LYPLAL1: variants seen among roughly 807,000 people sequenced by gnomAD.
The protein encoded by LYPLAL1 is lysophospholipase like 1, also known as lysophospholipase-like protein 1.
In LYPLAL1, 23 loss-of-function variants were observed where a neutral mutation model predicts 19.7. The observed-to-expected ratio is 1.17, with a 90% CI of 0.84 to 1.65. The LOEUF (loss-of-function observed/expected upper bound fraction) is 1.65, where lower values mean the gene tolerates loss of function less well. LYPLAL1 is among the 40% of genes most tolerant of loss of function. The probability of loss-of-function intolerance (pLI) is 0.00; values close to 1 mark genes in which losing one functional copy is unlikely to be tolerated. For synonymous variants in LYPLAL1, 119 were observed against 96.3 expected, an observed-to-expected ratio of 1.24 and a Z score of -1.38; for missense variants, 355 against 279.4, an observed-to-expected ratio of 1.27 and a Z score of -1.93.
the LYPLAL1 span, among the ~76,000 whole-genome samples, chr1:219,402,913 A>T: frequency 6.6e-6 from 1 of 152,188 alleles, no homozygotes; most frequent in Non-Finnish European, 1.5e-5. Context: ...ATTCCCAGGA[A>T]TCTATTTCTT....
chr1:219,394,601 G>C, the LYPLAL1 span, among the ~76,000 whole-genome samples: 1 of 152,006 alleles, frequency 6.6e-6, no homozygotes. Flanking sequence ...TTTTGTGACT[G>C]GTTTATTTCA....
At chr1:219,395,765 T>C in the LYPLAL1 span, among the ~76,000 whole-genome samples, 2 of 152,162 alleles carry the variant, frequency 1.3e-5, no homozygotes, top group Non-Finnish European at 2.9e-5. Flanking sequence ...TACATTTAAG[T>C]CCTTGATCCA....
At chr1:219,221,845 A>T in the LYPLAL1 span, among the ~76,000 whole-genome samples, 1 of 152,204 alleles carries the variant, frequency 6.6e-6, no homozygotes, top group Non-Finnish European at 1.5e-5. Context: ...ATAGGCATGT[A>T]AAACATCAAC....
At chr1:219,232,273 C>T in the LYPLAL1 span, among the ~76,000 whole-genome samples, 1 of 152,122 alleles carries the variant, frequency 6.6e-6, no homozygotes. Context: ...CTCAGATAGA[C>T]TCAGTGCAGT....
At chr1:219,194,158 C>T (rs1409155607) in intron 3 of LYPLAL1, among the ~76,000 whole-genome samples, 2 of 151,828 alleles carry the variant, frequency 1.3e-5, no homozygotes. Context: ...AGCAGCGTGG[C>T]CTCTAGCATA....
chr1:219,187,129 T>C (rs1050095730), intron 2 of LYPLAL1, among the ~76,000 whole-genome samples: 1 of 151,688 alleles, frequency 6.6e-6, no homozygotes, highest in Admixed American at 6.6e-5. Context: ...CATTGAAAAC[T>C]GTATCAAACA....
the LYPLAL1 span, among the ~76,000 whole-genome samples, chr1:219,219,957 T>G: frequency 6.6e-6 from 1 of 152,146 alleles, no homozygotes; most frequent in Non-Finnish European, 1.5e-5. Context: ...TGTTTTCCTT[T>G]GCAAGGAAAG....
chr1:219,362,493 C>T, the LYPLAL1 span, among the ~76,000 whole-genome samples: 1 of 152,098 alleles, frequency 6.6e-6, no homozygotes, highest in East Asian at 1.9e-4. Flanking sequence ...AAGGTGCAGA[C>T]AGTATTTCTT....
the LYPLAL1 span, among the ~76,000 whole-genome samples, chr1:219,338,605 A>G: frequency 6.6e-6 from 1 of 151,730 alleles, no homozygotes; most frequent in South Asian, 2.1e-4. Context: ...TACCTGGCAC[A>G]TGGTACAAAA....
the LYPLAL1 span, among the ~76,000 whole-genome samples, chr1:219,336,909 A>G: frequency 1.3e-5 from 2 of 151,996 alleles, no homozygotes; most frequent in South Asian, 4.1e-4. Context: ...CCATAAATTT[A>G]ATGACTTATG....
the LYPLAL1 span, among the ~76,000 whole-genome samples, chr1:219,411,529 G>A: frequency 3.3e-5 from 5 of 152,094 alleles, no homozygotes; most frequent in African/African-American, 7.2e-5. Flanking sequence ...CAGGCCACTC[G>A]GCTCTACCAA....
chr1:219,199,158 G>C (rs1002202036), intron 3 of LYPLAL1, among the ~76,000 whole-genome samples: 3 of 152,122 alleles, frequency 2.0e-5, no homozygotes, highest in Non-Finnish European at 4.4e-5. Flanking sequence ...ACTAATATAT[G>C]TATGTGAGTC....
chr1:219,256,478 C>G, the LYPLAL1 span, among the ~76,000 whole-genome samples: 8 of 151,338 alleles, frequency 5.3e-5, no homozygotes, highest in Non-Finnish European at 1.0e-4. Flanking sequence ...CTTCCTTTCT[C>G]TCTCTCTCTT....
At chr1:219,193,828 A>G (rs1657391429) in intron 3 of LYPLAL1, among the ~76,000 whole-genome samples, 1 of 151,870 alleles carries the variant, frequency 6.6e-6, no homozygotes. Context: ...AATACATGCA[A>G]AAGTGAGATG....
chr1:219,388,372 G>A, the LYPLAL1 span, among the ~76,000 whole-genome samples: 7 of 151,994 alleles, frequency 4.6e-5, no homozygotes, highest in African/African-American at 9.7e-5. Context: ...TTTCATTCAC[G>A]TTTCCTTGTA....
the LYPLAL1 span, among the ~76,000 whole-genome samples, chr1:219,237,880 T>TTATCC: frequency 6.6e-6 from 1 of 152,172 alleles, no homozygotes. Flanking sequence ...ACTGGTAACT[T>TTATCC]TATCCCCAGC....
At chr1:219,327,108 A>G in the LYPLAL1 span, among the ~76,000 whole-genome samples, 1 of 152,124 alleles carries the variant, frequency 6.6e-6, no homozygotes, top group African/African-American at 2.4e-5. Flanking sequence ...AAAAACAAAA[A>G]CAAACAAACA....
chr1:219,201,149 G>A (rs1658065659), intron 3 of LYPLAL1, among the ~76,000 whole-genome samples: 1 of 152,012 alleles, frequency 6.6e-6, no homozygotes, highest in Admixed American at 6.5e-5. Flanking sequence ...CACAGGAAGT[G>A]GTAACTAATT....
At chr1:219,268,909 T>C in the LYPLAL1 span, among the ~76,000 whole-genome samples, 1 of 152,216 alleles carries the variant, frequency 6.6e-6, no homozygotes, top group African/African-American at 2.4e-5. Context: ...CTCATGGGCC[T>C]TAGTAGCAAT....
Sources: allele counts gnomAD v4.1 joint callset (sites outside exome capture counted in the v4.1 genomes callset), GRCh38; gene constraint gnomAD v4.1.1; transcripts MANE v1.5; gene names NCBI Gene and HGNC (gene_info 2026-07-23, HGNC 2026-07-21).